Variants in NOL10 observed in about 807,000 individuals in gnomAD.
The protein encoded by NOL10 is H_NH0074G24.1.
NOL10 carries 58 observed loss-of-function variants against 103.5 expected under a neutral mutation model. The ratio of observed to expected loss-of-function variants is 0.56; its 90% confidence interval spans 0.45 to 0.70. NOL10 has a LOEUF of 0.70. Among genes scored for constraint, NOL10 ranks in the 30% least tolerant of loss-of-function variants. NOL10 has a pLI of 0.00. For missense variants in NOL10, 763 were observed against 807.3 expected (o/e 0.95, Z 0.67); for synonymous variants, 287 against 282.5 (o/e 1.02, Z -0.16).
At chr2:10,681,023 G>A (rs1158396290) in intron 3 of NOL10, among the ~76,000 whole-genome samples, 3 of 152,160 alleles carry the variant, frequency 2.0e-5, no homozygotes, top group African/African-American at 7.2e-5. Context: ...GAGTGCAAAT[G>A]ATATGATCAC....
intron 2 of NOL10, among the ~76,000 whole-genome samples, chr2:10,682,588 T>C (rs1036606210): frequency 6.6e-6 from 1 of 151,838 alleles, no homozygotes; most frequent in Admixed American, 6.6e-5. Flanking sequence ...TTTGTAGAGA[T>C]GGGGTTTCGC....
chr2:10,686,816 G>A (rs1451539582), intron 1 of NOL10, among the ~76,000 whole-genome samples: 2 of 146,132 alleles, frequency 1.4e-5, no homozygotes, highest in Non-Finnish European at 3.1e-5. Context: ...ACTGGCTGAG[G>A]GAGGGAAGAC....
intron 2 of NOL10, among the ~76,000 whole-genome samples, chr2:10,683,819 C>T (rs1415125613): frequency 1.3e-5 from 2 of 152,204 alleles, no homozygotes; most frequent in African/African-American, 2.4e-5. Flanking sequence ...GATGTTCATG[C>T]TATCTACTGT....
chr2:10,624,465 G>C (rs1379573270), intron 13 of NOL10, among the ~76,000 whole-genome samples: 1 of 151,794 alleles, frequency 6.6e-6, no homozygotes, highest in African/African-American at 2.4e-5. Context: ...GATGTAAAAA[G>C]TTCTACTGAA....
chr2:10,582,279 G>A (rs181817808), intron 19 of NOL10, among the ~76,000 whole-genome samples: 134 of 152,288 alleles, frequency 8.8e-4, no homozygotes, highest in African/African-American at 3.0e-3. Flanking sequence ...CAAGCTACCC[G>A]GTGAAGAAGA....
chr2:10,587,210 T>TATATAC lies in NOL10; in HGVS notation c.1844+1832_1844+1833insGTATAT, dbSNP rs1553296255. On this transcript the variant is annotated intron_variant, in intron 19 of 20. Coordinates refer to ENST00000381685, the MANE Select transcript of NOL10 (RefSeq NM_024894.4). ...ATATATACACATATATATACACATA[T>TATATAC]ATATATACATATATATACATATATA... 2.4e-4 allele frequency among the ~76,000 whole-genome samples: 14 copies of TATATAC among 59,098 alleles called. 3 individuals carry two copies. Among genetic ancestry groups the TATATAC allele is most frequent in the Non-Finnish European group, 3.7e-4 (13 of 34,732 alleles). 38.8% of individuals were successfully genotyped at this position (59,098 alleles called of 152,430 possible).
At chr2:10,576,466 T>A (rs1674453970) in intron 20 of NOL10, among the ~76,000 whole-genome samples, 1 of 152,164 alleles carries the variant, frequency 6.6e-6, no homozygotes, top group South Asian at 2.1e-4. Context: ...CCCGTGTCCC[T>A]TAAAAAACGA....
chr2:10,671,406 TTTC>T (rs559674206), intron 6 of NOL10, 145 bp downstream of exon 6: 3 of 720,266 alleles, frequency 4.2e-6, no homozygotes, highest in African/African-American at 3.8e-5. Context: ...TGTGTTTTCT[TTTC>T]TTTTTTTTTT....
At chr2:10,603,004 T>C in intron 15 of NOL10, 74 bp downstream of exon 15, 1 of 1,292,332 alleles carries the variant, frequency 7.7e-7, no homozygotes, top group Non-Finnish European at 1.1e-6. Flanking sequence ...TTTATGAAAG[T>C]GCGAGTAGTG....
chr2:10,671,536 A>G lies in NOL10; in HGVS notation c.464+18T>C. 2.0e-6 allele frequency: 3 copies of G among 1,537,804 alleles called. No individual in the cohort carries two copies. Among genetic ancestry groups the G allele is most frequent in the South Asian group, 1.3e-5 (1 of 77,280 alleles). On this transcript the variant is annotated intron_variant, in intron 6 of 20. Coordinates refer to ENST00000381685, the MANE Select transcript of NOL10 (RefSeq NM_024894.4). ...GTTTTAGGAGGTGAAAAGGAGAAAA[A>G]GGGACTGGATCCAATACCTTGCACC...
In NOL10 at chr2:10,663,094, T is replaced by C. The variant is rs145311909; in HGVS notation, c.592-50A>G. On this transcript the variant is annotated intron_variant, in intron 8 of 20. Transcript: ENST00000381685. ...AATAAAAGCTGTAGAAGGCGGGGCATGGTGGCTCATGCCTGTAATCCCAGC... is the reference window on the plus strand; with the variant it reads ...AATAAAAGCTGTAGAAGGCGGGGCACGGTGGCTCATGCCTGTAATCCCAGC... 9.1e-4 allele frequency: 1,343 copies of C among 1,472,194 alleles called. 15 individuals carry two copies. The African/African-American group carries it at 0.015, about 17-fold the overall frequency. The allele number at this position is 1,472,194 out of a possible 1,614,324, so 91.2% of individuals were successfully genotyped here.
intron 12 of NOL10, among the ~76,000 whole-genome samples, chr2:10,651,065 G>A (rs1383713692): frequency 6.6e-6 from 1 of 152,172 alleles, no homozygotes; most frequent in Non-Finnish European, 1.5e-5. Context: ...GCCATTAAAG[G>A]TGGGGGAAGA....
intron 13 of NOL10, among the ~76,000 whole-genome samples, chr2:10,638,792 C>CAACTGAA (rs1678495148): frequency 3.8e-5 from 2 of 52,834 alleles, no homozygotes; most frequent in Admixed American, 2.1e-4. Flanking sequence ...CGTGCCTGGC[C>CAACTGAA]TTTTTTTTTT....
At chr2:10,600,115 C>G (rs1675896001) in intron 17 of NOL10, among the ~76,000 whole-genome samples, 1 of 152,158 alleles carries the variant, frequency 6.6e-6, no homozygotes, top group African/African-American at 2.4e-5. Context: ...CAGTTCTTTC[C>G]AACTCATTCC....
intron 12 of NOL10, among the ~76,000 whole-genome samples, chr2:10,647,906 C>A (rs917329841): frequency 6.6e-6 from 1 of 152,210 alleles, no homozygotes; most frequent in African/African-American, 2.4e-5. Flanking sequence ...TGAATTGGAT[C>A]TTTCTTGAGC....
chr2:10,575,033 G>A (rs1339721718), intron 20 of NOL10, among the ~76,000 whole-genome samples: 1 of 152,214 alleles, frequency 6.6e-6, no homozygotes, highest in Non-Finnish European at 1.5e-5. Context: ...TAGGATCTAT[G>A]GGCCATTAGC....
At position 10,684,573 on chromosome 2, in the gene NOL10, C is replaced by A; in HGVS notation, c.106G>T (p.Asp36Tyr). 1.3e-6 allele frequency: 2 copies of A among 1,575,402 alleles called. No individual in the cohort carries two copies. The highest frequency in any genetic ancestry group is 1.7e-6 in the Non-Finnish European group (2 of 1,158,700). Residue 36 changes from aspartate to tyrosine, a missense_variant, in exon 2 of 21, where the codon GAT becomes TAT. Physicochemically the swap from Asp to Tyr is radical, Grantham distance 160 (BLOSUM62 -3). Coordinates refer to ENST00000381685, the MANE Select transcript of NOL10 (RefSeq NM_024894.4). ...DRKKRALQKK[D>Y]VDVRRRIELI... Reference sequence around the variant, plus strand: ...GGGAAAAAACAATACTCACCTACATCTTTCTTCTGTAGCGCTCTCTTCTTC... The same window carrying A: ...GGGAAAAAACAATACTCACCTACATATTTCTTCTGTAGCGCTCTCTTCTTC...
At chr2:10,586,599 C>T (rs1675032821) in intron 19 of NOL10, among the ~76,000 whole-genome samples, 1 of 135,938 alleles carries the variant, frequency 7.4e-6, no homozygotes, top group Non-Finnish European at 1.5e-5. Flanking sequence ...CCATTACTCG[C>T]CTCCCCTGCC....
Position 10,603,155 on chromosome 2 carries a change from G to C in NOL10, c.1156C>G (p.Leu386Val), listed in dbSNP as rs752543961. 3 of 1,609,764 alleles carry C rather than the reference G, an allele frequency of 1.9e-6. No homozygotes were observed. In the South Asian group the frequency reaches 3.3e-5, roughly 18 times the overall value. Reference sequence around the variant, plus strand: ...AAAGGAGATCCAATGAGGTGGGTGAGCCCTGGGAAAGGTCAAACAGAAGAC... The same window carrying C: ...AAAGGAGATCCAATGAGGTGGGTGACCCCTGGGAAAGGTCAAACAGAAGAC... ...VTKKDLENLG[L>V]THLIGSPFLR... Residue 386 changes from leucine (L) to valine (V), a missense_variant and splice_region_variant, in exon 15 of 21, where the codon CTC (leucine) becomes GTC (valine). Leu to Val is a conservative substitution (Grantham distance 32). Coordinates refer to ENST00000381685, the MANE Select transcript of NOL10 (RefSeq NM_024894.4).
Sources: gnomAD v4.1 joint callset for allele counts (sites outside exome capture counted in the v4.1 genomes callset) on GRCh38, gnomAD v4.1.1 for gene constraint, MANE v1.5 for transcripts, NCBI Gene and HGNC (gene_info 2026-07-23, HGNC 2026-07-21) for gene names.